Variants in COL6A2 observed in about 807,000 individuals in gnomAD.
COL6A2 encodes the protein collagen alpha-2(VI) chain.
COL6A2 carries 90 observed loss-of-function variants against 124.9 expected under a neutral mutation model. The ratio of observed to expected loss-of-function variants is 0.72; its 90% CI spans 0.61 to 0.86. The LOEUF is 0.86. Ranked by LOEUF, COL6A2 falls within the 40% of genes least tolerant of loss-of-function variation. The pLI is 0.00. For missense variants in COL6A2, 1,607 were observed against 1,502.5 expected, an observed-to-expected ratio of 1.07 and a Z score of -1.15; for synonymous variants, 793 against 618.2, an observed-to-expected ratio of 1.28 and a Z score of -4.19.
chr21:46,124,761 A>G, intron 22 of COL6A2, 48 bp downstream of exon 22: 1 of 1,605,482 alleles, frequency 6.2e-7, no homozygotes, highest in Non-Finnish European at 8.5e-7. Context: ...CTGCCAGGCC[A>G]ACACACACCC....
rs918054832 is a variant in COL6A2 at position 46,123,813 on chromosome 21, TGGATGAATGGATGGGTGCATAAA to T, written c.1672-832_1672-810del. Among the ~76,000 whole-genome samples, 6 of 143,088 alleles carry T rather than the reference TGGATGAATGGATGGGTGCATAAA, an allele frequency of 4.2e-5. No homozygotes were observed. The South Asian group carries it at 9.0e-4, about 21-fold the overall frequency. The allele number at this position is 143,088 out of a possible 152,430, so 93.9% of individuals were successfully genotyped here. ...ATGTATGGATGGGTTAGTGGGTGGG[TGGATGAATGGATGGGTGCATAAA>T]GGATGGATGGATGAATGAGTTAGTG... On this transcript the variant is annotated intron_variant, in intron 21 of 27. Coordinates refer to ENST00000300527, the MANE Select transcript of COL6A2 (RefSeq NM_001849.4).
intron 1 of COL6A2, among the ~76,000 whole-genome samples, chr21:46,105,295 A>T (rs959473310): frequency 1.3e-5 from 2 of 152,166 alleles, no homozygotes; most frequent in Non-Finnish European, 2.9e-5. Flanking sequence ...CTGAGGTGGG[A>T]GAATCATTTG....
Position 46,132,497 on chromosome 21 carries a change from A to C in COL6A2, c.3005A>C (p.Tyr1002Ser). The C allele has an allele frequency of 2.5e-6, 4 of 1,608,158 alleles. No individual in the cohort carries two copies. The highest frequency in any genetic ancestry group is 2.5e-6 in the Non-Finnish European group (3 of 1,179,402). Reference protein sequence around the residue: ...DRAAVFHEKDYDSLAQPGFFD... With the variant: ...DRAAVFHEKDSDSLAQPGFFD... ...GCCGCCGTGTTCCACGAGAAGGACT[A>C]TGACAGCCTGGCGCAACCCGGCTTC... Residue 1002 changes from tyrosine (Y) to serine (S), a missense_variant, in exon 28 of 28, where the codon TAT becomes TCT. Physicochemically the swap from Tyr to Ser is moderately radical, Grantham distance 144. Coordinates refer to ENST00000300527, the MANE Select transcript of COL6A2 (RefSeq NM_001849.4).
Position 46,123,677 on chromosome 21 carries a change from A to G in COL6A2, c.1671+740A>G, listed in dbSNP as rs962328518. ...GATACATGGGTGAATGAGTAGATGT[A>G]TGGGTGAGTAGGTGGGTAGGTGGGT... On this transcript the variant is annotated intron_variant, in intron 21 of 27. Coordinates refer to ENST00000300527, the MANE Select transcript of COL6A2 (RefSeq NM_001849.4). Among the ~76,000 whole-genome samples, 15 of 91,064 alleles carry G rather than the reference A, an allele frequency of 1.6e-4. 1 individual carries two copies. The highest frequency in any genetic ancestry group is 3.1e-4 in the Non-Finnish European group (14 of 44,666). The allele number at this position is 91,064 out of a possible 152,430, so 59.7% of individuals were successfully genotyped here.
Position 46,120,524 on chromosome 21 carries a change from G to A in COL6A2, c.1342G>A (p.Gly448Ser). 2 of 1,493,604 alleles carry A rather than the reference G, an allele frequency of 1.3e-6. No homozygotes were observed. Among genetic ancestry groups the A allele is most frequent in the South Asian group, 1.3e-5 (1 of 75,826 alleles). The allele number at this position is 1,493,604 out of a possible 1,614,324, so 92.5% of individuals were successfully genotyped here. ...DGPKGEKGDP[G>S]PEGPRGLAGE... ...CCTTCCCTTCCCACAGGGGGACCCT[G>A]GCCCTGAGGGGCCCCGCGGCCTGGC... Residue 448 changes from glycine (G) to serine (S), a missense_variant, in exon 16 of 28, where the codon GGC becomes AGC. This residue lies in a region of COL6A2 where 1,223 missense variants were observed against 1,052.2 expected (regional missense o/e 1.16). Coordinates refer to ENST00000300527, the MANE Select transcript of COL6A2 (RefSeq NM_001849.4).
At chr21:46,118,035 T>C in intron 12 of COL6A2, 99 bp downstream of exon 12, 1 of 1,169,162 alleles carries the variant, frequency 8.6e-7, no homozygotes, top group South Asian at 1.5e-5. Context: ...AGAGGGCCTT[T>C]CTGGAAACAC....
At position 46,116,356 on chromosome 21, in the gene COL6A2, CCT is replaced by C. The variant is rs563354608; in HGVS notation, c.901-15_901-14del. 242 of 1,612,768 alleles carry C rather than the reference CCT, an allele frequency of 1.5e-4. 1 individual carries two copies. In the South Asian group the frequency reaches 2.0e-3, roughly 13 times the overall value. ...CTCTGCAGAGCTCCTCACTAATGCC[CCT>C]CTCTCCTCCTGCCCCCAGGGCGTTC... On this transcript the variant is annotated intron_variant, in intron 7 of 27. Transcript: ENST00000300527. This position sits in a 1 kb window ranked among gnomAD's most constrained non-coding sequence, Gnocchi z 4.6.
intron 13 of COL6A2, 141 bp from the exon 14 acceptor site, chr21:46,118,889 G>C (rs1359991161): frequency 1.1e-6 from 1 of 941,366 alleles, no homozygotes; most frequent in East Asian, 2.6e-5. Context: ...CAAGTTCCAG[G>C]GGACCCTGCA....
chr21:46,115,517 C>T (rs544472083), intron 5 of COL6A2, among the ~76,000 whole-genome samples: 52 of 152,334 alleles, frequency 3.4e-4, no homozygotes, highest in Non-Finnish European at 6.6e-4. Flanking sequence ...TTTGTAGTGA[C>T]GGTGACCCAG....
intron 27 of COL6A2, chr21:46,129,559 C>G (rs2078730785): frequency 6.8e-7 from 1 of 1,472,050 alleles, no homozygotes; most frequent in Non-Finnish European, 9.0e-7. Flanking sequence ...CTGCCCCCGA[C>G]AGGCTGGCTC....
chr21:46,118,429 ACT>A (rs1334309579), intron 12 of COL6A2, among the ~76,000 whole-genome samples, 183 bp from the exon 13 acceptor site: 2 of 152,102 alleles, frequency 1.3e-5, no homozygotes, highest in African/African-American at 2.4e-5. Flanking sequence ...CGTGACACAC[ACT>A]CTGCCCTCAG....
chr21:46,117,608 C>A, intron 11 of COL6A2, 155 bp downstream of exon 11: 1 of 861,458 alleles, frequency 1.2e-6, no homozygotes. Flanking sequence ...TCTGCCGGGT[C>A]GGAGTCATGT....
At chr21:46,122,604 G>T (rs1030245421) in intron 20 of COL6A2, 73 bp downstream of exon 20, 16 of 1,527,722 alleles carry the variant, frequency 1.0e-5, no homozygotes, top group Non-Finnish European at 1.4e-5. Flanking sequence ...GGAACACAAT[G>T]CCCACCGTCA....
chr21:46,118,731 G>T, intron 13 of COL6A2, 55 bp downstream of exon 13: 1 of 1,562,716 alleles, frequency 6.4e-7, no homozygotes, highest in Non-Finnish European at 8.7e-7. Flanking sequence ...CACGCCCATG[G>T]CCCAGATGAA....
In COL6A2 at chr21:46,121,058, C is replaced by T. The variant is rs1239725469; in HGVS notation, c.1396-3C>T. ...AACCCCAAATTCCTCCCCTTTCTTC[C>T]AGGGAGACCGAGGCTTGCCTGGACC... On this transcript the variant is annotated splice_region_variant and splice_polypyrimidine_tract_variant and intron_variant, in intron 16 of 27. Transcript: ENST00000300527. 2.5e-6 allele frequency: 4 copies of T among 1,612,604 alleles called. No individual in the cohort carries two copies. Among genetic ancestry groups the T allele is most frequent in the East Asian group, 2.2e-5 (1 of 44,880 alleles).
chr21:46,124,806 A>T (rs2078633897), intron 22 of COL6A2, 79 bp from the exon 23 acceptor site: 1 of 1,598,142 alleles, frequency 6.3e-7, no homozygotes, highest in Admixed American at 1.7e-5. Flanking sequence ...GGACCCACGT[A>T]TCAGTGGGCA....
intron 27 of COL6A2, among the ~76,000 whole-genome samples, chr21:46,127,639 C>G (rs963899150): frequency 5.9e-5 from 9 of 152,180 alleles, no homozygotes; most frequent in African/African-American, 2.2e-4. Context: ...CCTCCACCCA[C>G]CCCCTCGTTC....
At chr21:46,099,455 CAAAAAAAAAAAAA>C (rs35690093) in intron 1 of COL6A2, among the ~76,000 whole-genome samples, 6 of 68,702 alleles carry the variant, frequency 8.7e-5, no homozygotes, top group African/African-American at 2.3e-4. Context: ...GAGACTGTCT[CAAAAAAAAAAAAA>C]AAAAAAAAAA....
Position 46,116,653 on chromosome 21 carries a change from T to G in COL6A2, c.930T>G (p.Gly310=). Residue 310 remains glycine (G), a splice_region_variant and synonymous_variant, in exon 9 of 28, where the codon GGT becomes GGG. Coordinates refer to ENST00000300527, the MANE Select transcript of COL6A2 (RefSeq NM_001849.4). The surrounding 1 kb of genome is among the most constrained non-coding windows in gnomAD (Gnocchi z 4.6). ...GCGCCGGCTTTCCTCCTACACAGGG[T>G]GAATTTGGAGCCGACGGTCGCAAGG... ...KGVPGFKGEK[G]EFGADGRKGA... 6.2e-7 allele frequency: 1 copy of G among 1,612,758 alleles called. No individual in the cohort carries two copies. The highest frequency in any genetic ancestry group is 8.5e-7 in the Non-Finnish European group (1 of 1,179,958).
Sources: gnomAD v4.1 joint callset for allele counts (sites outside exome capture counted in the v4.1 genomes callset) on GRCh38, gnomAD v4.1.1 for gene constraint, gnomAD v4.1.1 regional missense constraint, Gnocchi (gnomAD v3.1) non-coding constraint, MANE v1.5 for transcripts, NCBI Gene and HGNC (gene_info 2026-07-23, HGNC 2026-07-21) for gene names.